GRIK4: variants seen among roughly 807,000 people sequenced by gnomAD.
The protein encoded by GRIK4 is glutamate receptor ionotropic, kainate 4.
A neutral mutation model predicts 104.9 loss-of-function variants in GRIK4; 40 were observed. The observed-to-expected ratio is 0.38, with a 90% CI of 0.30 to 0.50. The LOEUF (loss-of-function observed/expected upper bound fraction) is 0.50, where lower values mean the gene tolerates loss of function less well. Ranked by LOEUF, GRIK4 falls within the 20% of genes least tolerant of loss-of-function variation. GRIK4 has a pLI of 0.93. For synonymous variants in GRIK4, 485 were observed against 524.9 expected (o/e 0.92, Z 1.04); for missense variants, 1,047 against 1,308.1 (o/e 0.80, Z 3.08).
intron 3 of GRIK4, among the ~76,000 whole-genome samples, chr11:120,800,923 T>A (rs950921651): frequency 5.9e-5 from 9 of 152,232 alleles, no homozygotes; most frequent in Non-Finnish European, 1.3e-4. Context: ...AATATTTCTT[T>A]TAATGTAATG....
chr11:120,589,118 C>T (rs1372845058), intron 1 of GRIK4, among the ~76,000 whole-genome samples: 1 of 152,164 alleles, frequency 6.6e-6, no homozygotes, highest in African/African-American at 2.4e-5. Context: ...CCCTCTGGGC[C>T]TCAACTGAGT....
At chr11:120,731,654 ATGTT>A (rs1437645866) in intron 3 of GRIK4, among the ~76,000 whole-genome samples, 1 of 152,140 alleles carries the variant, frequency 6.6e-6, no homozygotes, top group Non-Finnish European at 1.5e-5. Flanking sequence ...AGTTCTTTAA[ATGTT>A]TGGTAGAATT....
chr11:120,595,180 G>A (rs1174882905), intron 1 of GRIK4, among the ~76,000 whole-genome samples: 3 of 152,198 alleles, frequency 2.0e-5, no homozygotes, highest in African/African-American at 4.8e-5. Context: ...ACTCTCCCTG[G>A]CCTTGCAGCC....
In GRIK4 at chr11:120,905,005, G is replaced by C. The variant is rs1942834395; in HGVS notation, c.1273-285G>C. 6.6e-6 allele frequency among the ~76,000 whole-genome samples: 1 copy of C among 152,198 alleles called. No individual in the cohort carries two copies. The highest frequency in any genetic ancestry group is 2.4e-5 in the African/African-American group (1 of 41,438). ...AAAAAAAAGAGAGAGATAGATAGTG[G>C]GGTCAGATGATGACCTTAAACAAGT... On this transcript the variant is annotated intron_variant, in intron 12 of 20. Transcript: ENST00000527524. This position sits in a 1 kb window ranked among gnomAD's most constrained non-coding sequence, Gnocchi z 5.1.
chr11:120,962,665 G>A lies in GRIK4; in HGVS notation c.2250G>A (p.Gly750=). ...IGGLLDTKGY[G]IGMPVGSVFR... ...GCCTGCTGGACACCAAGGGCTATGG[G>A]ATTGGCATGCCAGTCGGTATGCGGG... The change falls in exon 18 of 21, where the codon GGG becomes GGA. Residue 750 remains glycine, a synonymous_variant. Coordinates refer to ENST00000527524, the MANE Select transcript of GRIK4 (RefSeq NM_014619.5). The A allele has an allele frequency of 6.2e-7, 1 of 1,613,246 alleles. No individual in the cohort carries two copies. Among genetic ancestry groups the A allele is most frequent in the Non-Finnish European group, 8.5e-7 (1 of 1,179,238 alleles).
intron 1 of GRIK4, among the ~76,000 whole-genome samples, chr11:120,626,026 G>A (rs911836396): frequency 6.6e-6 from 1 of 152,142 alleles, no homozygotes; most frequent in African/African-American, 2.4e-5. Flanking sequence ...GAAATTAAAG[G>A]CTTTTCATGG....
At chr11:120,743,544 C>T (rs913439516) in intron 3 of GRIK4, among the ~76,000 whole-genome samples, 13 of 152,086 alleles carry the variant, frequency 8.5e-5, no homozygotes, top group South Asian at 4.1e-4. Context: ...ACTTATGTAA[C>T]GAGCCTTCAT....
intron 14 of GRIK4, among the ~76,000 whole-genome samples, chr11:120,948,787 C>T (rs1347564318): frequency 6.6e-6 from 1 of 152,204 alleles, no homozygotes; most frequent in Non-Finnish European, 1.5e-5. Context: ...CCCCTTCACT[C>T]ACGGCTACCA....
intron 19 of GRIK4, among the ~76,000 whole-genome samples, chr11:120,976,740 A>T (rs771134308): frequency 6.6e-6 from 1 of 152,208 alleles, no homozygotes; most frequent in Non-Finnish European, 1.5e-5. Context: ...ATCTCGTGGC[A>T]CTAGTCAGTC....
intron 8 of GRIK4, among the ~76,000 whole-genome samples, chr11:120,850,584 C>T (rs371989161): frequency 4.5e-4 from 68 of 152,202 alleles, no homozygotes; most frequent in African/African-American, 1.6e-3. Context: ...CCATCCCTTG[C>T]CTCCTGATGA....
chr11:120,599,635 T>C (rs1948855281), intron 1 of GRIK4, among the ~76,000 whole-genome samples: 1 of 152,204 alleles, frequency 6.6e-6, no homozygotes, highest in South Asian at 2.1e-4. Context: ...AGGGATATAG[T>C]GCCCCGTTTT....
chr11:120,963,429 T>C (rs749869330), intron 18 of GRIK4, among the ~76,000 whole-genome samples: 3 of 152,228 alleles, frequency 2.0e-5, no homozygotes, highest in African/African-American at 4.8e-5. Flanking sequence ...CATGTTTAGC[T>C]GCTGTGGTGA....
At chr11:120,752,441 C>T (rs562961452) in intron 3 of GRIK4, among the ~76,000 whole-genome samples, 1 of 152,290 alleles carries the variant, frequency 6.6e-6, no homozygotes, top group African/African-American at 2.4e-5. Context: ...CCAAGGTGGG[C>T]AGGCCCCTGT....
At chr11:120,599,568 G>T (rs1164389201) in intron 1 of GRIK4, among the ~76,000 whole-genome samples, 1 of 152,212 alleles carries the variant, frequency 6.6e-6, no homozygotes, top group Admixed American at 6.5e-5. Flanking sequence ...TAGATGTCTT[G>T]CCAGCTCCAT....
At chr11:120,950,515 GT>G (rs1361706279) in intron 14 of GRIK4, among the ~76,000 whole-genome samples, 1 of 152,190 alleles carries the variant, frequency 6.6e-6, no homozygotes, top group Non-Finnish European at 1.5e-5. Context: ...AGATTTTTCA[GT>G]TGAGAGACAG....
At chr11:120,863,320 T>C (rs1954310447) in intron 9 of GRIK4, among the ~76,000 whole-genome samples, 1 of 152,250 alleles carries the variant, frequency 6.6e-6, no homozygotes, top group African/African-American at 2.4e-5. Context: ...AACTACATTA[T>C]TCAGTACAGT....
chr11:120,927,748 T>TA (rs1033147287), intron 13 of GRIK4, among the ~76,000 whole-genome samples: 4 of 152,198 alleles, frequency 2.6e-5, no homozygotes, highest in African/African-American at 9.7e-5. Context: ...GTGTTGCTGT[T>TA]AGACACACTT....
At chr11:120,642,236 T>TA (rs1419027003) in intron 1 of GRIK4, among the ~76,000 whole-genome samples, 1 of 152,012 alleles carries the variant, frequency 6.6e-6, no homozygotes, top group Non-Finnish European at 1.5e-5. Flanking sequence ...GAGGCTGAGG[T>TA]GGGAGGATGG....
In GRIK4 at chr11:120,925,462, A is replaced by G. The variant is rs576942366; in HGVS notation, c.1477-14885A>G. 7.2e-5 allele frequency among the ~76,000 whole-genome samples: 11 copies of G among 152,244 alleles called. No individual in the cohort carries two copies. In the South Asian group the frequency reaches 2.3e-3, roughly 32 times the overall value. ...AGCACAAGCCCTTGCTCATTAGTTC[A>G]GGTCTGCAGGTTGGATCCCCATGTG... On this transcript the variant is annotated intron_variant, in intron 13 of 20. Coordinates refer to ENST00000527524, the MANE Select transcript of GRIK4 (RefSeq NM_014619.5).
Sources: gnomAD v4.1 joint callset for allele counts (sites outside exome capture counted in the v4.1 genomes callset) on GRCh38, gnomAD v4.1.1 for gene constraint, Gnocchi (gnomAD v3.1) non-coding constraint, MANE v1.5 for transcripts, NCBI Gene and HGNC (gene_info 2026-07-23, HGNC 2026-07-21) for gene names.